ENSA: variants seen among roughly 807,000 people sequenced by gnomAD.
ENSA encodes the protein endosulfine alpha.
Under a neutral mutation model 16.8 loss-of-function variants are expected in ENSA, and 7 were observed. That is an observed-to-expected ratio of 0.42 (90% CI 0.24 to 0.78). The LOEUF (loss-of-function observed/expected upper bound fraction) is 0.78, where lower values mean the gene tolerates loss of function less well. ENSA is among the 30% of genes least tolerant of loss of function. The pLI, the probability that ENSA is intolerant of heterozygous loss-of-function variation, is 0.29. For synonymous variants in ENSA, 58 were observed against 53.4 expected (o/e 1.09, Z -0.37); for missense variants, 87 against 142.3 (o/e 0.61, Z 1.98).
chr1:150,629,445 T>C lies in ENSA; in HGVS notation c.26A>G (p.Asn9Ser). The C allele has an allele frequency of 6.2e-7, 1 of 1,613,660 alleles. No homozygotes were observed. The highest frequency in any genetic ancestry group is 1.7e-4 in the Middle Eastern group (1 of 6,050). The change falls in exon 1 of 4, where the codon AAC becomes AGC. Residue 9 changes from asparagine (N) to serine (S), a missense_variant. Physicochemically the swap from Asn to Ser is conservative, Grantham distance 46. Transcript: ENST00000369014. MSQKQEEE[N>S]PAEETGEEKQ... is the part of the protein sequence containing the mutation. ...CTCCTCGCCGGTCTCCTCCGCAGGGTTCTCTTCTTCTTGTTTCTGGGACAT... is the reference window on the plus strand; with the variant it reads ...CTCCTCGCCGGTCTCCTCCGCAGGGCTCTCTTCTTCTTGTTTCTGGGACAT...
chr1:150,625,645 G>A lies in ENSA; in HGVS notation c.347C>T (p.Ala116Val), dbSNP rs776840279. Residue 116 changes from alanine (A) to valine (V), a missense_variant, in exon 3 of 4, where the codon GCG becomes GTG. By Grantham distance (64) the Ala-to-Val change is moderately conservative (BLOSUM62 0). Transcript: ENST00000369014. ...AGGAGAGGGGGGCTCAGGTTACCCCGCAAGCTTGCTGGTGACGAGCGAGGA... is the reference window on the plus strand; with the variant it reads ...AGGAGAGGGGGGCTCAGGTTACCCCACAAGCTTGCTGGTGACGAGCGAGGA... ...RKSSLVTSKLAGGQVE is the reference protein window; with the variant it reads ...RKSSLVTSKLVGGQVE 8.1e-6 allele frequency: 13 copies of A among 1,601,454 alleles called. No individual in the cohort carries two copies. Among genetic ancestry groups the A allele is most frequent in the Admixed American group, 1.7e-5 (1 of 58,404 alleles).
chr1:150,622,447 C>T lies in ENSA; in HGVS notation c.*397G>A, dbSNP rs1418006369. 1 of 215,626 alleles carries T rather than the reference C, an allele frequency of 4.6e-6. No individual in the cohort carries two copies. Among genetic ancestry groups the T allele is most frequent in the Non-Finnish European group, 9.1e-6 (1 of 110,356 alleles). The allele number at this position is 215,626 out of a possible 1,614,324, so 13.4% of individuals were successfully genotyped here. A position where few individuals can be genotyped will look rare whatever the true frequency, so the allele number is the denominator to read the frequency against. ...ACTAGAACCCCTTTTCATTAGGCTA[C>T]TCCACTTCCTTCCCCTCATACCTAC... On this transcript the variant is annotated 3_prime_UTR_variant, in exon 4 of 4. Transcript: ENST00000369014.
intron 1 of ENSA, chr1:150,629,152 C>G (rs1421422831): frequency 6.2e-7 from 1 of 1,613,956 alleles, no homozygotes; most frequent in Non-Finnish European, 8.5e-7. Flanking sequence ...CACGTCCATG[C>G]TCGGCCAATT....
chr1:150,627,081 G>T, intron 2 of ENSA: 1 of 1,339,382 alleles, frequency 7.5e-7, no homozygotes, highest in Non-Finnish European at 9.6e-7. Context: ...CTGTAGGAGA[G>T]ATGGTTTGAT....
At chr1:150,624,144 A>T in intron 3 of ENSA, 3 of 985,404 alleles carry the variant, frequency 3.0e-6, no homozygotes, top group Non-Finnish European at 3.6e-6. Flanking sequence ...TAGATTGAAG[A>T]TGCTGGTCAC....
At chr1:150,624,282 C>G in intron 3 of ENSA, 1 of 985,974 alleles carries the variant, frequency 1.0e-6, no homozygotes, top group Non-Finnish European at 1.2e-6. Context: ...TCCCTAACCA[C>G]TTTCCCCAGC....
intron 3 of ENSA, chr1:150,624,837 T>A (rs1649189102): frequency 1.0e-6 from 1 of 978,318 alleles, no homozygotes; most frequent in East Asian, 1.1e-4. Context: ...AACTCTATTT[T>A]ACAGATGAGG....
At chr1:150,625,836 A>G (rs1360143720) in intron 2 of ENSA, 28 bp from the exon 3 acceptor site, 17 of 1,558,858 alleles carry the variant, frequency 1.1e-5, no homozygotes, top group Non-Finnish European at 1.4e-5. Flanking sequence ...GGTTTAGGTG[A>G]GTGAGGACTC....
At chr1:150,628,101 C>T (rs947000730) in intron 1 of ENSA, among the ~76,000 whole-genome samples, 1 of 152,112 alleles carries the variant, frequency 6.6e-6, no homozygotes, top group African/African-American at 2.4e-5. Flanking sequence ...ATTCACTACC[C>T]GCCTGGGCAA....
At chr1:150,628,935 C>T (rs1342408460) in intron 1 of ENSA, 2 of 1,022,930 alleles carry the variant, frequency 2.0e-6, no homozygotes, top group African/African-American at 3.2e-5. Flanking sequence ...CCGCCTTAAA[C>T]TAGCCATTAT....
At chr1:150,623,983 G>T (rs1235023938) in intron 3 of ENSA, 1 of 985,276 alleles carries the variant, frequency 1.0e-6, no homozygotes, top group East Asian at 1.1e-4. Context: ...CATTCTCATT[G>T]GGCCAAATGT....
At chr1:150,629,237 A>G (rs1571018765) in intron 1 of ENSA, 177 bp downstream of exon 1, 4 of 1,527,574 alleles carry the variant, frequency 2.6e-6, no homozygotes, top group South Asian at 1.2e-5. Context: ...GTGACAAACG[A>G]CCCAACTAAC....
chr1:150,627,410 C>A (rs756389368), intron 2 of ENSA, 57 bp downstream of exon 2: 1 of 1,614,244 alleles, frequency 6.2e-7, no homozygotes, highest in Admixed American at 1.7e-5. Flanking sequence ...CTACAGACTT[C>A]ATTCGAAGAA....
intron 1 of ENSA, 169 bp downstream of exon 1, chr1:150,629,245 A>G: frequency 6.6e-7 from 1 of 1,519,482 alleles, no homozygotes; most frequent in Non-Finnish European, 9.0e-7. Flanking sequence ...CGACCCAACT[A>G]ACCAGCGCCA....
At chr1:150,623,532 G>A (rs1409170111) in intron 3 of ENSA, 2 of 985,478 alleles carry the variant, frequency 2.0e-6, no homozygotes, top group Non-Finnish European at 2.4e-6. Context: ...CAGTAGTCTT[G>A]AGGACTCAAG....
intron 2 of ENSA, among the ~76,000 whole-genome samples, chr1:150,626,096 G>A (rs1363459391): frequency 6.6e-6 from 1 of 152,178 alleles, no homozygotes; most frequent in Non-Finnish European, 1.5e-5. Context: ...ACTCAGTAGA[G>A]GATCGTTCCA....
At chr1:150,626,924 C>T (rs1249226207) in intron 2 of ENSA, 2 of 436,470 alleles carry the variant, frequency 4.6e-6, no homozygotes, top group Non-Finnish European at 6.4e-6. Flanking sequence ...TGATCAGGAG[C>T]TACATGGCTA....
At chr1:150,624,931 A>G in intron 3 of ENSA, 1 of 980,018 alleles carries the variant, frequency 1.0e-6, no homozygotes, top group Non-Finnish European at 1.2e-6. Context: ...GAACCCAGAT[A>G]TCTTGACTCC....
At chr1:150,624,338 T>C (rs1478557661) in intron 3 of ENSA, 6 of 985,804 alleles carry the variant, frequency 6.1e-6, no homozygotes, top group Admixed American at 1.2e-4. Context: ...CCTCCAGCCC[T>C]GCAGGAGTAC....
Sources: gnomAD v4.1 joint callset for allele counts (sites outside exome capture counted in the v4.1 genomes callset) on GRCh38, gnomAD v4.1.1 for gene constraint, MANE v1.5 for transcripts, NCBI Gene and HGNC (gene_info 2026-07-23, HGNC 2026-07-21) for gene names.